AKAP6: variants seen among roughly 807,000 people sequenced by gnomAD.
AKAP6 encodes the protein A-kinase anchor protein 6.
In AKAP6, 58 loss-of-function variants were observed where a neutral mutation model predicts 188.5. That is an observed-to-expected ratio of 0.31 (90% CI 0.25 to 0.38). AKAP6 has a LOEUF of 0.38. Among genes scored for constraint, AKAP6 ranks in the 10% least tolerant of loss-of-function variants. The pLI is 1.00. For missense variants in AKAP6, 2,710 were observed against 2,740.0 expected (o/e 0.99, Z 0.24); for synonymous variants, 989 against 998.6 (o/e 0.99, Z 0.18).
chr14:32,828,523 TCTCTCTCACACACACACA>T (rs1462501232), intron 13 of AKAP6, among the ~76,000 whole-genome samples: 92 of 31,360 alleles, frequency 2.9e-3, no homozygotes, highest in African/African-American at 3.0e-3. Flanking sequence ...TCTCTCTCTC[TCTCTCTCACACACACACA>T]CACACACACA....
In AKAP6 at chr14:32,351,572, A is replaced by AAC. The variant is rs202064076; in HGVS notation, c.-35+22165_-35+22166insCA. On this transcript the variant is annotated intron_variant, in intron 1 of 13. Coordinates refer to ENST00000280979, the MANE Select transcript of AKAP6 (RefSeq NM_004274.5). ...AGCAAGACTTCATCTCAAAAAAAAAAAAAACAAAAACATTATTACCTGCTG... is the reference window on the plus strand; with the variant it reads ...AGCAAGACTTCATCTCAAAAAAAAAAACAAAACAAAAACATTATTACCTGCTG... 5.5e-3 allele frequency among the ~76,000 whole-genome samples: 826 copies of AAC among 150,148 alleles called. 8 individuals are homozygous for AAC. The highest frequency in any genetic ancestry group is 0.018 in the African/African-American group (719 of 40,550).
At chr14:32,639,231 T>C (rs568739572) in intron 7 of AKAP6, among the ~76,000 whole-genome samples, 1 of 152,156 alleles carries the variant, frequency 6.6e-6, no homozygotes, top group African/African-American at 2.4e-5. Context: ...TTTGCATGAA[T>C]GTACGTGAAC....
chr14:32,615,897 A>G (rs1419146627), intron 7 of AKAP6, among the ~76,000 whole-genome samples: 1 of 152,074 alleles, frequency 6.6e-6, no homozygotes, highest in Non-Finnish European at 1.5e-5. Flanking sequence ...CCCAGCCTAA[A>G]CCATTACTTT....
In AKAP6 at chr14:32,420,758, G is replaced by A. The variant is rs1237995762; in HGVS notation, c.-34-12702G>A. ...GGAAGCCCTTCTTGCCTAGTATACC[G>A]CCGCCCTTTTGGGATTTCCCTTCCT... On this transcript the variant is annotated intron_variant, in intron 1 of 13. Coordinates refer to ENST00000280979, the MANE Select transcript of AKAP6 (RefSeq NM_004274.5). Among the ~76,000 whole-genome samples the A allele has an allele frequency of 5.9e-5, 9 of 152,096 alleles. No individual in the cohort carries two copies. The South Asian group carries it at 8.3e-4, about 14-fold the overall frequency.
In AKAP6 at chr14:32,824,475, G is replaced by C. The variant is rs746856340; in HGVS notation, c.6662G>C (p.Arg2221Thr). 3 of 1,613,978 alleles carry C rather than the reference G, an allele frequency of 1.9e-6. No homozygotes were observed. Among genetic ancestry groups the C allele is most frequent in the Non-Finnish European group, 2.5e-6 (3 of 1,179,966 alleles). ...VALSSPSSQE[R>T]AEVGKEVNGL... is the part of the protein sequence containing the mutation. ...CTTTCAAGTCCTTCCTCTCAGGAAA[G>C]AGCTGAGGTTGGAAAGGAAGTGAAT... The change falls in exon 13 of 14, where the codon AGA becomes ACA. Residue 2221 changes from arginine to threonine, a missense_variant. By Grantham distance (71) the Arg-to-Thr change is moderately conservative. Transcript: ENST00000280979.
At chr14:32,531,006 C>G (rs1374157441) in intron 2 of AKAP6, among the ~76,000 whole-genome samples, 4 of 152,298 alleles carry the variant, frequency 2.6e-5, no homozygotes, top group South Asian at 2.1e-4. Flanking sequence ...ACAGAAGATT[C>G]CTGTCTCATT....
chr14:32,661,582 T>C (rs1888701989), intron 7 of AKAP6, among the ~76,000 whole-genome samples: 1 of 152,128 alleles, frequency 6.6e-6, no homozygotes, highest in African/African-American at 2.4e-5. Context: ...GTACATACCT[T>C]ACTCAGTAGA....
chr14:32,409,450 A>G (rs1196514748), intron 1 of AKAP6, among the ~76,000 whole-genome samples: 2 of 151,810 alleles, frequency 1.3e-5, no homozygotes, highest in African/African-American at 4.9e-5. Context: ...TATAAAAGTT[A>G]TAAAAGCAGA....
intron 5 of AKAP6, among the ~76,000 whole-genome samples, chr14:32,582,609 G>A (rs571462594): frequency 2.0e-5 from 3 of 152,216 alleles, no homozygotes; most frequent in East Asian, 3.9e-4. Flanking sequence ...CATTCTCCCT[G>A]TCACTTTCAG....
intron 4 of AKAP6, among the ~76,000 whole-genome samples, chr14:32,570,200 G>A (rs76897790): frequency 2.8e-3 from 386 of 136,484 alleles, no homozygotes; most frequent in African/African-American, 9.8e-3. Context: ...GAGCAATCTC[G>A]GCTCACTGCA....
chr14:32,389,207 C>A (rs561281627), intron 1 of AKAP6, among the ~76,000 whole-genome samples: 1 of 152,146 alleles, frequency 6.6e-6, no homozygotes, highest in South Asian at 2.1e-4. Flanking sequence ...CTTTTTCCAC[C>A]CCTTTACCTT....
At chr14:32,466,739 C>A (rs865985401) in intron 2 of AKAP6, among the ~76,000 whole-genome samples, 1,413 of 105,172 alleles carry the variant, frequency 0.013, no homozygotes, top group Middle Eastern at 0.032. Context: ...ACTTAAAGTT[C>A]AAAAAAAAAA....
At chr14:32,636,028 A>G (rs1042790051) in intron 7 of AKAP6, among the ~76,000 whole-genome samples, 9 of 152,140 alleles carry the variant, frequency 5.9e-5, no homozygotes, top group Admixed American at 2.6e-4. Context: ...CCAGTTGTAT[A>G]TAGACTAGTA....
intron 8 of AKAP6, among the ~76,000 whole-genome samples, chr14:32,682,263 A>G (rs1321771180): frequency 6.6e-6 from 1 of 152,224 alleles, no homozygotes; most frequent in Non-Finnish European, 1.5e-5. Flanking sequence ...GACATACCAC[A>G]GTCTCTGCCT....
chr14:32,536,896 G>A (rs1403596342), intron 3 of AKAP6, among the ~76,000 whole-genome samples: 3 of 152,108 alleles, frequency 2.0e-5, no homozygotes, highest in East Asian at 1.9e-4. Flanking sequence ...GTGTGTACGC[G>A]CAGGCATGTG....
intron 2 of AKAP6, among the ~76,000 whole-genome samples, chr14:32,510,912 A>G (rs920405192): frequency 6.6e-6 from 1 of 152,134 alleles, no homozygotes; most frequent in African/African-American, 2.4e-5. Flanking sequence ...CCTTGGGGTC[A>G]CTGATGATCT....
At chr14:32,789,678 C>T (rs1482467415) in intron 12 of AKAP6, among the ~76,000 whole-genome samples, 1 of 152,156 alleles carries the variant, frequency 6.6e-6, no homozygotes, top group Non-Finnish European at 1.5e-5. Context: ...AAACAGAAAA[C>T]AACAATATCA....
At chr14:32,458,168 G>T (rs1173867146) in intron 2 of AKAP6, among the ~76,000 whole-genome samples, 1 of 151,942 alleles carries the variant, frequency 6.6e-6, no homozygotes, top group Non-Finnish European at 1.5e-5. Context: ...TTTTAAGAAG[G>T]GTGCCCAAAG....
chr14:32,574,450 TTC>T (rs1050488922), intron 4 of AKAP6, among the ~76,000 whole-genome samples: 29 of 152,192 alleles, frequency 1.9e-4, no homozygotes, highest in Admixed American at 6.6e-5. Flanking sequence ...GTAATCATGG[TTC>T]TGTTAGGAAA....
Sources: gnomAD v4.1 joint callset for allele counts (sites outside exome capture counted in the v4.1 genomes callset) on GRCh38, gnomAD v4.1.1 for gene constraint, MANE v1.5 for transcripts, NCBI Gene and HGNC (gene_info 2026-07-23, HGNC 2026-07-21) for gene names.